ALDH1L1: variants seen among roughly 807,000 people sequenced by gnomAD.
The protein encoded by ALDH1L1 is aldehyde dehydrogenase 1 family member L1.
ALDH1L1 carries 68 observed loss-of-function variants against 101.1 expected under a neutral mutation model. The observed-to-expected ratio is 0.67, with a 90% CI of 0.55 to 0.82. The LOEUF is 0.82. ALDH1L1 is among the 40% of genes least tolerant of loss of function. ALDH1L1 has a pLI of 0.00. For missense variants in ALDH1L1, 1,087 were observed against 1,172.7 expected, an observed-to-expected ratio of 0.93 and a Z score of 1.07; for synonymous variants, 486 against 470.8, an observed-to-expected ratio of 1.03 and a Z score of -0.42.
intron 10 of ALDH1L1, 150 bp from the exon 11 acceptor site, chr3:126,137,033 A>C: frequency 8.3e-7 from 1 of 1,212,088 alleles, no homozygotes; most frequent in Non-Finnish European, 1.1e-6. Context: ...GGGAGAGACA[A>C]AGGACAGGCT....
chr3:126,162,257 G>A (rs1224716539), intron 1 of ALDH1L1, among the ~76,000 whole-genome samples: 2 of 152,186 alleles, frequency 1.3e-5, no homozygotes, highest in African/African-American at 4.8e-5. Context: ...TCATAGGTGT[G>A]AAAATTTCCA....
chr3:126,124,212 A>C, intron 16 of ALDH1L1, 152 bp downstream of exon 16: 2 of 640,336 alleles, frequency 3.1e-6, no homozygotes. Flanking sequence ...GCTCTCCCCC[A>C]TGGGAGGGGC....
chr3:126,191,493 C>T (rs538593889), intron 1 of ALDH1L1, among the ~76,000 whole-genome samples: 13 of 152,280 alleles, frequency 8.5e-5, no homozygotes, highest in Admixed American at 5.9e-4. Flanking sequence ...GTTGGGGCTG[C>T]GGTAAGGCCG....
At chr3:126,196,031 C>A (rs943819419) in intron 1 of ALDH1L1, among the ~76,000 whole-genome samples, 1 of 152,090 alleles carries the variant, frequency 6.6e-6, no homozygotes, top group African/African-American at 2.4e-5. Flanking sequence ...TTAATGGGTG[C>A]AGCACACCAA....
Position 126,136,773 on chromosome 3 carries a change from G to C in ALDH1L1, c.1335C>G (p.Thr445=). The C allele has an allele frequency of 6.4e-7, 1 of 1,573,290 alleles. No homozygotes were observed. The highest frequency in any genetic ancestry group is 8.6e-7 in the Non-Finnish European group (1 of 1,158,632). Residue 445 remains threonine, a synonymous_variant, in exon 11 of 23, where the codon ACC becomes ACG. Coordinates refer to ENST00000393434, the MANE Select transcript of ALDH1L1 (RefSeq NM_012190.4). ...CTGGGCCTGCACTCACACTTCCATC[G>C]GTGGGATTGATGGTCTCAGAGGTCT... ...GAKTSETINP[T]DGSVICQVSL...
At chr3:126,174,828 T>C (rs1169315015) in intron 1 of ALDH1L1, among the ~76,000 whole-genome samples, 1 of 152,032 alleles carries the variant, frequency 6.6e-6, no homozygotes, top group African/African-American at 2.4e-5. Context: ...GTTTCCAAAT[T>C]AGGAAACTAG....
At position 126,157,293 on chromosome 3, in the gene ALDH1L1, C is replaced by T. The variant is rs902253831; in HGVS notation, c.528+50G>A. On this transcript the variant is annotated intron_variant, in intron 4 of 22. Transcript: ENST00000393434. ...CGGTGGGCTGGGTCTAGGGAGGATGCTTGAGGGTGCGTCGGGGCGGGCAGG... is the reference window on the plus strand; with the variant it reads ...CGGTGGGCTGGGTCTAGGGAGGATGTTTGAGGGTGCGTCGGGGCGGGCAGG... 3 of 1,575,072 alleles carry T rather than the reference C, an allele frequency of 1.9e-6. No homozygotes were observed. The East Asian group carries it at 6.8e-5, about 36-fold the overall frequency.
At chr3:126,183,401 C>A (rs548013267), upstream of ALDH1L1, among the ~76,000 whole-genome samples, 1 of 152,156 alleles carries the variant, frequency 6.6e-6, no homozygotes, top group African/African-American at 2.4e-5. Flanking sequence ...GACCTCTAGA[C>A]TCCCCCAAAT....
At chr3:126,133,319 CTG>C (rs1243031942) in intron 12 of ALDH1L1, among the ~76,000 whole-genome samples, 1 of 152,224 alleles carries the variant, frequency 6.6e-6, no homozygotes, top group East Asian at 1.9e-4. Flanking sequence ...CACTGCATCA[CTG>C]TGTGTTGTCA....
At chr3:126,149,408 G>A (rs2080763845) in intron 8 of ALDH1L1, among the ~76,000 whole-genome samples, 2 of 152,174 alleles carry the variant, frequency 1.3e-5, no homozygotes, top group Non-Finnish European at 2.9e-5. Context: ...ATCTACAAAC[G>A]ATGACCCCAG....
chr3:126,124,508 T>C (rs1355797412), intron 15 of ALDH1L1, 57 bp from the exon 16 acceptor site: 2 of 1,408,048 alleles, frequency 1.4e-6, no homozygotes, highest in African/African-American at 1.4e-5. Context: ...AGTGGGGCTC[T>C]GCCTTCCCTC....
intron 16 of ALDH1L1, among the ~76,000 whole-genome samples, chr3:126,118,536 G>A (rs901429803): frequency 6.6e-6 from 1 of 152,076 alleles, no homozygotes; most frequent in African/African-American, 2.4e-5. Flanking sequence ...CCCTGATCTT[G>A]GACTTCCAGC....
At chr3:126,165,363 G>T (rs2081145045) in intron 1 of ALDH1L1, among the ~76,000 whole-genome samples, 1 of 152,080 alleles carries the variant, frequency 6.6e-6, no homozygotes, top group African/African-American at 2.4e-5. Flanking sequence ...TGTTCATCGG[G>T]GATATTGGCC....
At chr3:126,189,415 G>A (rs2081539642) in intron 1 of ALDH1L1, among the ~76,000 whole-genome samples, 1 of 152,190 alleles carries the variant, frequency 6.6e-6, no homozygotes, top group Admixed American at 6.5e-5. Context: ...CCCATGGCCA[G>A]CTTTACCTTA....
At chr3:126,178,335 T>G (rs2081401283) in intron 1 of ALDH1L1, among the ~76,000 whole-genome samples, 1 of 148,686 alleles carries the variant, frequency 6.7e-6, no homozygotes, top group African/African-American at 2.5e-5. Context: ...AAGCTGTGTT[T>G]GTGCCACTGC....
At chr3:126,196,316 A>G (rs549227214) in intron 1 of ALDH1L1, among the ~76,000 whole-genome samples, 10 of 152,064 alleles carry the variant, frequency 6.6e-5, no homozygotes, top group African/African-American at 2.2e-4. Flanking sequence ...TCTAAAGAAC[A>G]GAGCCTTAGA....
upstream of ALDH1L1, chr3:126,180,651 G>T: frequency 7.5e-7 from 1 of 1,329,198 alleles, no homozygotes; most frequent in Admixed American, 3.1e-5. Flanking sequence ...GGGGCGGGCG[G>T]AGAGTCAGCC....
At chr3:126,152,627 C>A in intron 7 of ALDH1L1, 1 of 154,954 alleles carries the variant, frequency 6.5e-6, no homozygotes, top group Non-Finnish European at 1.4e-5. Flanking sequence ...TTTGTCCGGA[C>A]CCTGTCAGTG....
chr3:126,137,755 T>C (rs76560107), intron 10 of ALDH1L1, 58 bp downstream of exon 10: 3 of 1,582,082 alleles, frequency 1.9e-6, no homozygotes, highest in African/African-American at 1.3e-5. Flanking sequence ...TATGTAGTCA[T>C]AGATGCAGCT....
Sources: allele counts gnomAD v4.1 joint callset (sites outside exome capture counted in the v4.1 genomes callset), GRCh38; gene constraint gnomAD v4.1.1; transcripts MANE v1.5; gene names NCBI Gene and HGNC (gene_info 2026-07-23, HGNC 2026-07-21).